RBMS3: variants seen among roughly 807,000 people sequenced by gnomAD.
The protein encoded by RBMS3 is RNA-binding motif, single-stranded-interacting protein 3.
RBMS3 carries 27 observed loss-of-function variants against 66.8 expected under a neutral mutation model. That is an observed-to-expected ratio of 0.40 (90% CI 0.30 to 0.56). The LOEUF is 0.56. Among genes scored for constraint, RBMS3 ranks in the 20% least tolerant of loss-of-function variants. The probability of loss-of-function intolerance (pLI) is 0.40; values close to 1 mark genes in which losing one functional copy is unlikely to be tolerated. For synonymous variants in RBMS3, 188 were observed against 183.0 expected, an observed-to-expected ratio of 1.03 and a Z score of -0.22; for missense variants, 513 against 549.5, an observed-to-expected ratio of 0.93 and a Z score of 0.66.
chr3:29,791,386 C>A (rs1483057103), intron 6 of RBMS3, among the ~76,000 whole-genome samples: 2 of 152,092 alleles, frequency 1.3e-5, no homozygotes, highest in African/African-American at 4.8e-5. Context: ...TCTTATCTAT[C>A]ATCTTTGGAA....
At chr3:29,343,711 G>C (rs187791021) in intron 1 of RBMS3, among the ~76,000 whole-genome samples, 24 of 152,254 alleles carry the variant, frequency 1.6e-4, no homozygotes, top group Non-Finnish European at 3.2e-4. Context: ...TTGTCCACTA[G>C]AAAACAGTTC....
At chr3:29,413,268 G>A (rs1317078065) in intron 1 of RBMS3, among the ~76,000 whole-genome samples, 1 of 152,102 alleles carries the variant, frequency 6.6e-6, no homozygotes, top group Admixed American at 6.6e-5. Flanking sequence ...TACTCAGGAG[G>A]CTGAGGCAGG....
At chr3:29,735,824 G>A (rs2054355372) in intron 4 of RBMS3, among the ~76,000 whole-genome samples, 1 of 152,138 alleles carries the variant, frequency 6.6e-6, no homozygotes. Context: ...CTCTAGCTGA[G>A]TGGCCTTGGG....
intron 2 of RBMS3, among the ~76,000 whole-genome samples, chr3:29,485,648 G>T (rs1006127391): frequency 7.9e-5 from 12 of 152,148 alleles, no homozygotes; most frequent in Non-Finnish European, 1.3e-4. Flanking sequence ...CCCTTGAAAA[G>T]TTCAAACCCC....
At chr3:29,826,312 G>A (rs1403632061) in intron 6 of RBMS3, among the ~76,000 whole-genome samples, 2 of 152,068 alleles carry the variant, frequency 1.3e-5, no homozygotes, top group Non-Finnish European at 2.9e-5. Context: ...TTTACACACT[G>A]TATTTTTTAT....
At chr3:29,539,751 G>A (rs2045692158) in intron 3 of RBMS3, among the ~76,000 whole-genome samples, 1 of 152,112 alleles carries the variant, frequency 6.6e-6, no homozygotes, top group African/African-American at 2.4e-5. Flanking sequence ...AGACTGACAA[G>A]ACATCAGGAG....
intron 1 of RBMS3, among the ~76,000 whole-genome samples, chr3:29,292,747 A>G (rs2032924428): frequency 6.6e-6 from 1 of 151,870 alleles, no homozygotes; most frequent in African/African-American, 2.4e-5. Context: ...TAAAATAAAG[A>G]GAAGAAAGAG....
intron 12 of RBMS3, among the ~76,000 whole-genome samples, chr3:29,950,243 A>G (rs557219262): frequency 6.6e-6 from 1 of 151,988 alleles, no homozygotes; most frequent in African/African-American, 2.4e-5. Context: ...ACATCAAATC[A>G]AAAGGCAGCC....
At chr3:29,520,163 A>G (rs145045762) in intron 3 of RBMS3, among the ~76,000 whole-genome samples, 311 of 152,300 alleles carry the variant, frequency 2.0e-3, no homozygotes, top group African/African-American at 6.9e-3. Context: ...AAGTGTAGCT[A>G]CTGAGCACTT....
chr3:29,438,909 A>G (rs2041502432), intron 2 of RBMS3, among the ~76,000 whole-genome samples: 1 of 152,240 alleles, frequency 6.6e-6, no homozygotes, highest in South Asian at 2.1e-4. Context: ...AGAGAGGAGC[A>G]TGATACTAAC....
At chr3:29,607,310 T>C (rs150696702) in intron 4 of RBMS3, among the ~76,000 whole-genome samples, 1 of 152,104 alleles carries the variant, frequency 6.6e-6, no homozygotes, top group Non-Finnish European at 1.5e-5. Context: ...AGAAATTTAT[T>C]TCTCAGAGTT....
At chr3:29,699,563 AC>A (rs2052449721) in intron 4 of RBMS3, among the ~76,000 whole-genome samples, 1 of 152,348 alleles carries the variant, frequency 6.6e-6, no homozygotes, top group East Asian at 1.9e-4. Context: ...GTTTGCACAT[AC>A]AACTCTAAAA....
chr3:29,967,780 T>C (rs1189587526), intron 12 of RBMS3, among the ~76,000 whole-genome samples: 2 of 152,206 alleles, frequency 1.3e-5, no homozygotes, highest in African/African-American at 4.8e-5. Context: ...TAGCCTTGAA[T>C]TATCTTTTGT....
intron 6 of RBMS3, among the ~76,000 whole-genome samples, chr3:29,855,945 A>T (rs183151423): frequency 5.9e-5 from 9 of 152,288 alleles, no homozygotes; most frequent in Admixed American, 2.6e-4. Context: ...TATACTCGAG[A>T]GACATTTAAA....
At chr3:29,518,409 C>T (rs78045885) in intron 3 of RBMS3, among the ~76,000 whole-genome samples, 5,515 of 152,172 alleles carry the variant, frequency 0.036, 295 homozygotes, top group African/African-American at 0.12. Context: ...AAGTAGCCAG[C>T]GCCATGTGTG....
At chr3:29,472,273 C>T (rs12492770) in intron 2 of RBMS3, among the ~76,000 whole-genome samples, 2,474 of 151,408 alleles carry the variant, frequency 0.016, 61 homozygotes, top group African/African-American at 0.057. Context: ...TCTTGGCTCA[C>T]TGCAACCTCC....
At position 29,624,215 on chromosome 3, in the gene RBMS3, C is replaced by T. The variant is rs542310294; in HGVS notation, c.399+37010C>T. On this transcript the variant is annotated intron_variant, in intron 4 of 14. Coordinates refer to ENST00000383767, the MANE Select transcript of RBMS3 (RefSeq NM_001003793.3). ...TTTATATGAGGGTTTTAAGAAAGCA[C>T]TTTTAAATTATTTTAAAGTAGGATT... Among the ~76,000 whole-genome samples, 10 of 152,280 alleles carry T rather than the reference C, an allele frequency of 6.6e-5. No homozygotes were observed. In the East Asian group the frequency reaches 1.7e-3, roughly 26 times the overall value.
At chr3:29,993,426 T>A (rs1446612148) in intron 14 of RBMS3, among the ~76,000 whole-genome samples, 1 of 152,182 alleles carries the variant, frequency 6.6e-6, no homozygotes, top group East Asian at 1.9e-4. Flanking sequence ...ATGGGAAATT[T>A]TATGTGACCA....
chr3:29,860,322 T>C (rs2059182112), intron 6 of RBMS3, among the ~76,000 whole-genome samples: 1 of 152,226 alleles, frequency 6.6e-6, no homozygotes, highest in Non-Finnish European at 1.5e-5. Flanking sequence ...GCATCCACTT[T>C]CCTAATTTAT....
Sources: gnomAD v4.1 joint callset for allele counts (sites outside exome capture counted in the v4.1 genomes callset) on GRCh38, gnomAD v4.1.1 for gene constraint, MANE v1.5 for transcripts, NCBI Gene and HGNC (gene_info 2026-07-23, HGNC 2026-07-21) for gene names.